EIF4A1: variants seen among roughly 807,000 people sequenced by gnomAD.
EIF4A1 encodes the protein eukaryotic translation initiation factor 4A1.
Under a neutral mutation model 53.5 loss-of-function variants are expected in EIF4A1, and 11 were observed. The observed-to-expected ratio is 0.21, with a 90% CI of 0.13 to 0.34. The LOEUF (loss-of-function observed/expected upper bound fraction) is 0.34. Among genes scored for constraint, EIF4A1 ranks in the 10% least tolerant of loss-of-function variants. The probability of loss-of-function intolerance (pLI) is 1.00; values close to 1 mark genes in which losing one functional copy is unlikely to be tolerated. For missense variants in EIF4A1, 213 were observed against 530.8 expected (o/e 0.40, Z 5.88); for synonymous variants, 237 against 186.7 (o/e 1.27, Z -2.20).
In EIF4A1 at chr17:7,578,937, T is replaced by G. The variant is rs1412943305; in HGVS notation, c.*451T>G. 6.3e-6 allele frequency: 1 copy of G among 157,640 alleles called. No homozygotes were observed. Among genetic ancestry groups the G allele is most frequent in the Admixed American group, 6.3e-5 (1 of 15,968 alleles). The allele number at this position is 157,640 out of a possible 1,614,324, so 9.8% of individuals were successfully genotyped here. Reference sequence around the variant, plus strand: ...GAGAAAATGGTAGCCATTTTTACATTGTTTTGTATAGTATTTATTGATTCA... The same window carrying G: ...GAGAAAATGGTAGCCATTTTTACATGGTTTTGTATAGTATTTATTGATTCA... On this transcript the variant is annotated 3_prime_UTR_variant, in exon 11 of 11. Transcript: ENST00000293831.
Position 7,572,910 on chromosome 17 carries a change from C to T in EIF4A1, c.23+46C>T, listed in dbSNP as rs754591678. The stretch of plus-strand genomic sequence containing the variant: ...AGATTGTGGCTGCTTATTTTGCCGC[C>T]CCCTTCCGACGGGCCCGCCGGGGGT... On this transcript the variant is annotated intron_variant, in intron 1 of 10. Transcript: ENST00000293831. The T allele has an allele frequency of 1.9e-6, 3 of 1,614,144 alleles. No homozygotes were observed. In the South Asian group the frequency reaches 3.3e-5, roughly 18 times the overall value.
In EIF4A1 at chr17:7,574,321, A is replaced by G. The variant is rs2071370160; in HGVS notation, c.72+13A>G. The stretch of plus-strand genomic sequence containing the variant: ...AGGCGTCATCGAGGTGAGACTGGAG[A>G]AATGGAATTCTGTCCTCCCCCATTA... On this transcript the variant is annotated intron_variant, in intron 2 of 10. Transcript: ENST00000293831. The G allele has an allele frequency of 6.2e-7, 1 of 1,614,158 alleles. No homozygotes were observed. Among genetic ancestry groups the G allele is most frequent in the East Asian group, 2.2e-5 (1 of 44,876 alleles).
In EIF4A1 at chr17:7,576,942, A is replaced by T. The variant is rs776703422; in HGVS notation, c.515-114A>T. On this transcript the variant is annotated intron_variant, in intron 5 of 10. Transcript: ENST00000293831. ...TCCTGGGCAAAGGATCAGTCTTTGTACTCTGAGAGCAGACTACTTGGCTCC... is the reference window on the plus strand; with the variant it reads ...TCCTGGGCAAAGGATCAGTCTTTGTTCTCTGAGAGCAGACTACTTGGCTCC... 5.1e-6 allele frequency: 7 copies of T among 1,385,458 alleles called. No homozygotes were observed. The Admixed American group carries it at 1.2e-4, about 23-fold the overall frequency. 85.8% of individuals were successfully genotyped at this position (1,385,458 alleles called of 1,614,324 possible).
At position 7,577,103 on chromosome 17, in the gene EIF4A1, T is replaced by C; in HGVS notation, c.562T>C (p.Leu188=). ...MFVLDEADEM[L]SRGFKDQIYD... ...TGTACTGGATGAAGCTGACGAAATG[T>C]TAAGCCGTGGATTCAAGGACCAGAT... The change falls in exon 6 of 11, where the codon TTA becomes CTA. Residue 188 remains leucine, a synonymous_variant. Coordinates refer to ENST00000293831, the MANE Select transcript of EIF4A1 (RefSeq NM_001416.4). The surrounding 1 kb of genome is among the most constrained non-coding windows in gnomAD (Gnocchi z 4.7). 6.2e-7 allele frequency: 1 copy of C among 1,612,430 alleles called. No individual in the cohort carries two copies. Among genetic ancestry groups the C allele is most frequent in the Non-Finnish European group, 8.5e-7 (1 of 1,179,560 alleles).
chr17:7,576,042 G>A lies in EIF4A1; in HGVS notation c.346-482G>A, dbSNP rs149704068. ...ACAAAAATTAGCCAGGCATGGTGGC[G>A]TGTGCCTTTTATCCCAGCTACTCGG... On this transcript the variant is annotated intron_variant, in intron 4 of 10. Coordinates refer to ENST00000293831, the MANE Select transcript of EIF4A1 (RefSeq NM_001416.4). 1,030 of 155,670 alleles carry A rather than the reference G, an allele frequency of 6.6e-3. 10 individuals carry two copies. Among genetic ancestry groups the A allele is most frequent in the African/African-American group, 0.023 (966 of 41,544 alleles). The allele number at this position is 155,670 out of a possible 1,614,324, so 9.6% of individuals were successfully genotyped here. A position where few individuals can be genotyped will look rare whatever the true frequency, so the allele number is the denominator to read the frequency against.
At chr17:7,576,290 T>G in intron 4 of EIF4A1, 2 of 414,956 alleles carry the variant, frequency 4.8e-6, no homozygotes, top group Non-Finnish European at 8.4e-6. Context: ...GCGGCCTCAT[T>G]GTGAATCACT....
At position 7,578,173 on chromosome 17, in the gene EIF4A1, C is replaced by T; in HGVS notation, c.1005C>T (p.Gly335=). ...TGTCTTTCTTGACGTAGGCCAGAGG[C>T]ATTGATGTGCAGCAGGTTTCTTTAG... ...VLITTDLLAR[G]IDVQQVSLVI... is the part of the protein sequence containing the mutation. Residue 335 remains glycine, a synonymous_variant, in exon 10 of 11, where the codon GGC becomes GGT. Coordinates refer to ENST00000293831, the MANE Select transcript of EIF4A1 (RefSeq NM_001416.4). 1 of 1,614,182 alleles carries T rather than the reference C, an allele frequency of 6.2e-7. No homozygotes were observed. Among genetic ancestry groups the T allele is most frequent in the Non-Finnish European group, 8.5e-7 (1 of 1,180,026 alleles).
Position 7,577,008 on chromosome 17 carries a change from C to G in EIF4A1, c.515-48C>G. The G allele has an allele frequency of 6.2e-7, 1 of 1,602,562 alleles. No homozygotes were observed. The highest frequency in any genetic ancestry group is 8.5e-7 in the Non-Finnish European group (1 of 1,170,210). On this transcript the variant is annotated intron_variant, in intron 5 of 10. Coordinates refer to ENST00000293831, the MANE Select transcript of EIF4A1 (RefSeq NM_001416.4). This position sits in a 1 kb window ranked among gnomAD's most constrained non-coding sequence, Gnocchi z 4.7. ...AGCGAAGTTGGATATATCTCTCCCA[C>G]ATTTCCCTAATCATATGCTATATAT... is the stretch of plus-strand genomic sequence containing the variant.
rs147550900 is a variant in EIF4A1, at chr17:7,576,922, G to A, written c.515-134G>A. On this transcript the variant is annotated intron_variant, in intron 5 of 10. Transcript: ENST00000293831. ...TTGTCTGCCTGGCGGGAAGGTCCTG[G>A]GCAAAGGATCAGTCTTTGTACTCTG... The A allele has an allele frequency of 1.7e-3, 2,273 of 1,353,354 alleles. 6 individuals are homozygous for A. The highest frequency in any genetic ancestry group is 2.1e-3 in the Non-Finnish European group (1,946 of 943,452). 83.8% of individuals were successfully genotyped at this position (1,353,354 alleles called of 1,614,324 possible).
rs761383765 is a variant in EIF4A1, at chr17:7,578,382, A to G, written c.1117A>G (p.Ile373Val). 6.2e-7 allele frequency: 1 copy of G among 1,613,662 alleles called. No homozygotes were observed. Among genetic ancestry groups the G allele is most frequent in the South Asian group, 1.1e-5 (1 of 91,020 alleles). The part of the protein sequence containing the change: ...GGRFGRKGVA[I>V]NMVTEEDKRT... The stretch of plus-strand genomic sequence containing the variant: ...ACGGTTTGGCCGTAAAGGTGTGGCT[A>G]TTAACATGGTGACAGAAGAAGACAA... The change falls in exon 11 of 11, where the codon ATT becomes GTT. Residue 373 changes from isoleucine (I) to valine (V), a missense_variant. This residue lies in a region of EIF4A1 where 28 missense variants were observed against 42.5 expected (regional missense o/e 0.66). Transcript: ENST00000293831.
At position 7,578,613 on chromosome 17, in the gene EIF4A1, CT is replaced by C. The variant is rs1183850077; in HGVS notation, c.*132del. ...ATTTTTTTTCTTTGAATAAATGTCACTTTTTGAGGCAAAAGAAGGAACCGTG... is the reference window on the plus strand; with the variant it reads ...ATTTTTTTTCTTTGAATAAATGTCACTTTTGAGGCAAAAGAAGGAACCGTG... On this transcript the variant is annotated 3_prime_UTR_variant, in exon 11 of 11. Coordinates refer to ENST00000293831, the MANE Select transcript of EIF4A1 (RefSeq NM_001416.4). 4 of 1,136,694 alleles carry C rather than the reference CT, an allele frequency of 3.5e-6. No homozygotes were observed. The highest frequency in any genetic ancestry group is 3.5e-5 in the Admixed American group (1 of 28,304). The allele number at this position is 1,136,694 out of a possible 1,614,324, so 70.4% of individuals were successfully genotyped here.
chr17:7,574,833 G>T (rs750470980), intron 3 of EIF4A1, 155 bp downstream of exon 3: 1 of 1,288,670 alleles, frequency 7.8e-7, no homozygotes, highest in Non-Finnish European at 1.1e-6. Context: ...CCTGGTTCAT[G>T]CCTTGGACAC....
Position 7,574,347 on chromosome 17 carries a change from C to T in EIF4A1, c.72+39C>T, listed in dbSNP as rs921438710. 15 of 1,613,850 alleles carry T rather than the reference C, an allele frequency of 9.3e-6. 1 individual carries two copies. The South Asian group carries it at 1.2e-4, about 13-fold the overall frequency. ...AATGGAATTCTGTCCTCCCCCATTA[C>T]AACTTTCAGCCGTATAGAGTTAGAG... On this transcript the variant is annotated intron_variant, in intron 2 of 10. Transcript: ENST00000293831.
At position 7,576,595 on chromosome 17, in the gene EIF4A1, C is replaced by T. The variant is rs748425451; in HGVS notation, c.417C>T (p.Asn139=). The change falls in exon 5 of 11, where the codon AAC becomes AAT. Residue 139 remains asparagine (N), a synonymous_variant. Transcript: ENST00000293831. ...GTCACGCCTGTATCGGGGGCACCAA[C>T]GTGCGTGCTGAGGTGCAGAAACTGC... ...ASCHACIGGT[N]VRAEVQKLQM... 1.4e-5 allele frequency: 22 copies of T among 1,613,890 alleles called. No homozygotes were observed. Among genetic ancestry groups the T allele is most frequent in the African/African-American group, 6.7e-5 (5 of 74,924 alleles).
In EIF4A1 at chr17:7,578,737, C is replaced by T. The variant is rs1391921705; in HGVS notation, c.*251C>T. On this transcript the variant is annotated 3_prime_UTR_variant, in exon 11 of 11. Transcript: ENST00000293831. Reference sequence around the variant, plus strand: ...AAAAACACTAATCCATTTCCCTAACCTAGTAACCTCCAGATCCCAGAGGCT... The same window carrying T: ...AAAAACACTAATCCATTTCCCTAACTTAGTAACCTCCAGATCCCAGAGGCT... 1 of 313,562 alleles carries T rather than the reference C, an allele frequency of 3.2e-6. No individual in the cohort carries two copies. The highest frequency in any genetic ancestry group is 5.8e-6 in the Non-Finnish European group (1 of 171,756). 19.4% of individuals were successfully genotyped at this position (313,562 alleles called of 1,614,324 possible).
Position 7,575,255 on chromosome 17 carries a change from G to C in EIF4A1, c.342G>C (p.Gln114His). The C allele has an allele frequency of 6.2e-7, 1 of 1,613,978 alleles. No homozygotes were observed. The highest frequency in any genetic ancestry group is 8.5e-7 in the Non-Finnish European group (1 of 1,180,034). The part of the protein sequence containing the change: ...LVLAPTRELA[Q>H]QIQKVVMALG... ...TAGCACCCACTCGAGAATTGGCTCA[G>C]CAGGTAAGAGTGGCTTCTATTCCCT... The change falls in exon 4 of 11, where the codon CAG becomes CAC. Residue 114 changes from glutamine (Q) to histidine (H), a missense_variant. Gln to His is a conservative substitution (Grantham distance 24). Coordinates refer to ENST00000293831, the MANE Select transcript of EIF4A1 (RefSeq NM_001416.4).
chr17:7,573,200 G>C (rs1185291818), intron 1 of EIF4A1: 2 of 502,044 alleles, frequency 4.0e-6, no homozygotes, highest in African/African-American at 2.0e-5. Context: ...CCGCCACTAT[G>C]TGTGGCCCAG....
intron 10 of EIF4A1, 46 bp downstream of exon 10, chr17:7,578,290 C>T (rs1336917583): frequency 6.2e-7 from 1 of 1,613,922 alleles, no homozygotes. Flanking sequence ...ACACCTGGCC[C>T]TCCCTGGGCT....
At chr17:7,575,600 C>T in intron 4 of EIF4A1, 1 of 401,704 alleles carries the variant, frequency 2.5e-6, no homozygotes, top group East Asian at 5.9e-5. Flanking sequence ...TCCTTTTCAC[C>T]CTTGCTTAAT....
Sources: gnomAD v4.1 joint callset for allele counts on GRCh38, gnomAD v4.1.1 for gene constraint, gnomAD v4.1.1 regional missense constraint, Gnocchi (gnomAD v3.1) non-coding constraint, MANE v1.5 for transcripts, NCBI Gene and HGNC (gene_info 2026-07-23, HGNC 2026-07-21) for gene names.